Variants in SENP6 observed in about 807,000 individuals in gnomAD.
SENP6 encodes sentrin-specific protease 6.
SENP6 carries 41 observed loss-of-function variants against 134.5 expected under a neutral mutation model. That is an observed-to-expected ratio of 0.30 (90% CI 0.24 to 0.40). The LOEUF is 0.40. Among genes scored for constraint, SENP6 ranks in the 10% least tolerant of loss-of-function variants. The pLI is 1.00. For missense variants in SENP6, 1,248 were observed against 1,312.5 expected, an observed-to-expected ratio of 0.95 and a Z score of 0.76; for synonymous variants, 395 against 429.8, an observed-to-expected ratio of 0.92 and a Z score of 1.00.
intron 7 of SENP6, among the ~76,000 whole-genome samples, chr6:75,653,549 T>G (rs575693047): frequency 1.7e-4 from 26 of 152,312 alleles, no homozygotes; most frequent in African/African-American, 5.8e-4. Context: ...TTAATTAACC[T>G]TGTTTTCCCT....
chr6:75,634,996 A>G (rs1415042682), intron 5 of SENP6, 185 bp downstream of exon 5: 1 of 661,318 alleles, frequency 1.5e-6, no homozygotes, highest in African/African-American at 1.8e-5. Context: ...GAGTAATCAG[A>G]TTCTGTAAAT....
chr6:75,689,061 C>T (rs560615513), intron 16 of SENP6, among the ~76,000 whole-genome samples: 3 of 152,052 alleles, frequency 2.0e-5, no homozygotes, highest in South Asian at 2.1e-4. Flanking sequence ...AGTGAAACTC[C>T]GTCTCAAGAA....
At chr6:75,690,355 T>C (rs1774154529) in intron 16 of SENP6, among the ~76,000 whole-genome samples, 1 of 152,236 alleles carries the variant, frequency 6.6e-6, no homozygotes, top group Non-Finnish European at 1.5e-5. Flanking sequence ...ATGTATACAT[T>C]TCCTTCCTTA....
chr6:75,611,015 C>T (rs952815774), intron 1 of SENP6: 1 of 125,220 alleles, frequency 8.0e-6, no homozygotes, highest in African/African-American at 2.8e-5. Context: ...AGAAATTCTC[C>T]TAGGCTTGGA....
intron 8 of SENP6, among the ~76,000 whole-genome samples, chr6:75,662,110 A>G (rs1582798364): frequency 6.6e-6 from 1 of 152,206 alleles, no homozygotes; most frequent in Non-Finnish European, 1.5e-5. Context: ...TGGGATTAAC[A>G]TCTTTAGGAT....
intron 16 of SENP6, among the ~76,000 whole-genome samples, chr6:75,680,242 T>A (rs1773372246): frequency 6.6e-6 from 1 of 152,182 alleles, no homozygotes; most frequent in Non-Finnish European, 1.5e-5. Context: ...CTAAATGATG[T>A]TGGCACTAAA....
intron 19 of SENP6, among the ~76,000 whole-genome samples, chr6:75,703,767 T>G (rs1775202647): frequency 6.6e-6 from 1 of 151,852 alleles, no homozygotes; most frequent in African/African-American, 2.4e-5. Context: ...ATCTCAAAAT[T>G]AAAAAACAAA....
intron 19 of SENP6, among the ~76,000 whole-genome samples, chr6:75,704,478 A>G (rs1011391241): frequency 2.0e-5 from 3 of 152,274 alleles, no homozygotes; most frequent in Non-Finnish European, 4.4e-5. Flanking sequence ...ATTGCTGCCA[A>G]CATGTCTCGC....
At chr6:75,685,403 A>G (rs1773760320) in intron 16 of SENP6, among the ~76,000 whole-genome samples, 1 of 151,550 alleles carries the variant, frequency 6.6e-6, no homozygotes, top group African/African-American at 2.4e-5. Context: ...CTTTGATCTT[A>G]GTTATTTCTT....
intron 9 of SENP6, among the ~76,000 whole-genome samples, chr6:75,664,453 T>G (rs1772037602): frequency 6.6e-6 from 1 of 152,148 alleles, no homozygotes; most frequent in Admixed American, 6.5e-5. Context: ...GCATTTTACA[T>G]ACCATTTGTT....
chr6:75,693,266 G>A (rs1187703511), intron 16 of SENP6, among the ~76,000 whole-genome samples: 2 of 152,024 alleles, frequency 1.3e-5, no homozygotes, highest in African/African-American at 4.8e-5. Context: ...TTAGCTGGGT[G>A]TGGTGGAGGG....
chr6:75,689,858 T>TACATCTTCAAATTACCTCATGA (rs1774115023), intron 16 of SENP6, among the ~76,000 whole-genome samples: 1 of 152,196 alleles, frequency 6.6e-6, no homozygotes, highest in African/African-American at 2.4e-5. Flanking sequence ...CATGATGCCT[T>TACATCTTCAAATTACCTCATGA]TCTCAGAACA....
intron 16 of SENP6, among the ~76,000 whole-genome samples, chr6:75,682,076 C>T (rs1040180575): frequency 1.3e-5 from 2 of 151,752 alleles, no homozygotes; most frequent in African/African-American, 4.8e-5. Context: ...ACCATACAAA[C>T]ATTAAACACA....
intron 16 of SENP6, among the ~76,000 whole-genome samples, chr6:75,686,720 T>C (rs1773867347): frequency 6.6e-6 from 1 of 152,218 alleles, no homozygotes; most frequent in Admixed American, 6.5e-5. Context: ...TGTTGAATAT[T>C]GGCCCCCACT....
chr6:75,700,970 C>G (rs1774984736), intron 18 of SENP6, among the ~76,000 whole-genome samples: 1 of 152,168 alleles, frequency 6.6e-6, no homozygotes, highest in South Asian at 2.1e-4. Flanking sequence ...AGGAGAGAAG[C>G]AAGCTTTCAT....
rs149649623 is a variant in SENP6, at chr6:75,696,285, T to G, written c.2195+362T>G. Reference sequence around the variant, plus strand: ...GTTCTGGGTCAAATATCTAGAATAGTGTTTCCCAAATGTGACTAGTAGGTT... The same window carrying G: ...GTTCTGGGTCAAATATCTAGAATAGGGTTTCCCAAATGTGACTAGTAGGTT... On this transcript the variant is annotated intron_variant, in intron 17 of 23. Coordinates refer to ENST00000447266, the MANE Select transcript of SENP6 (RefSeq NM_015571.4). 6.6e-3 allele frequency among the ~76,000 whole-genome samples: 1,010 copies of G among 152,308 alleles called. 4 individuals carry two copies. Among genetic ancestry groups the G allele is most frequent in the Non-Finnish European group, 0.011 (737 of 68,026 alleles).
chr6:75,703,494 C>T (rs1334506904), intron 19 of SENP6, among the ~76,000 whole-genome samples: 2 of 152,114 alleles, frequency 1.3e-5, no homozygotes, highest in Admixed American at 6.6e-5. Context: ...GGCACAGTGG[C>T]TCACGACTGT....
At position 75,623,907 on chromosome 6, in the gene SENP6, A is replaced by G. The variant is rs753390040; in HGVS notation, c.154A>G (p.Asn52Asp). The G allele has an allele frequency of 1.0e-5, 16 of 1,606,990 alleles. 1 individual carries two copies. The East Asian group carries it at 1.6e-4, about 16-fold the overall frequency. ...CCCTTATTTTCTGTGTAGTGGGACA[A>G]ATCTGCTCAGTGTGGATGAAGATGA... is the stretch of plus-strand genomic sequence containing the variant. ...SEGDTDKDGT[N>D]LLSVDEDEDS... is the part of the protein sequence containing the mutation. Residue 52 changes from asparagine (N) to aspartate (D), a missense_variant, in exon 3 of 24, where the codon AAT becomes GAT. Transcript: ENST00000447266.
chr6:75,688,933 G>A (rs1184168400), intron 16 of SENP6, among the ~76,000 whole-genome samples: 3 of 152,320 alleles, frequency 2.0e-5, no homozygotes, highest in Middle Eastern at 3.4e-3. Context: ...AGGTGTGGTA[G>A]TGCATGCCTG....
Sources: gnomAD v4.1 joint callset for allele counts (sites outside exome capture counted in the v4.1 genomes callset) on GRCh38, gnomAD v4.1.1 for gene constraint, MANE v1.5 for transcripts, NCBI Gene and HGNC (gene_info 2026-07-23, HGNC 2026-07-21) for gene names.